Variants in MCC observed in about 807,000 individuals in gnomAD.
MCC encodes the protein MCC regulator of Wnt signaling pathway.
A neutral mutation model predicts 116.2 loss-of-function variants in MCC; 90 were observed. The observed-to-expected ratio is 0.77, with a 90% confidence interval of 0.65 to 0.92. The LOEUF (loss-of-function observed/expected upper bound fraction) is 0.92. Among genes scored for constraint, MCC ranks in the 40% least tolerant of loss-of-function variants. The pLI, the probability that MCC is intolerant of heterozygous loss-of-function variation, is 0.00. For synonymous variants in MCC, 578 were observed against 510.5 expected (o/e 1.13, Z -1.78); for missense variants, 1,516 against 1,312.2 (o/e 1.16, Z -2.40).
chr5:113,084,470 G>A (rs927256230), intron 9 of MCC, among the ~76,000 whole-genome samples: 3 of 152,220 alleles, frequency 2.0e-5, no homozygotes, highest in Admixed American at 2.0e-4. Flanking sequence ...CAAGATGCCA[G>A]TAGCACTCCA....
At chr5:113,056,412 T>C (rs1752835704) in intron 14 of MCC, among the ~76,000 whole-genome samples, 1 of 152,218 alleles carries the variant, frequency 6.6e-6, no homozygotes, top group Non-Finnish European at 1.5e-5. Flanking sequence ...AATGAGGTCA[T>C]GTCATTTGCA....
intron 8 of MCC, among the ~76,000 whole-genome samples, chr5:113,089,474 G>T (rs994742829): frequency 6.6e-6 from 1 of 152,212 alleles, no homozygotes; most frequent in African/African-American, 2.4e-5. Context: ...GGTGAGCCAA[G>T]AGCTCTACTG....
At chr5:113,173,116 G>A (rs1194975212) in intron 3 of MCC, among the ~76,000 whole-genome samples, 1 of 152,056 alleles carries the variant, frequency 6.6e-6, no homozygotes, top group Non-Finnish European at 1.5e-5. Flanking sequence ...AATTTATATA[G>A]CATTTTATCA....
At chr5:113,032,592 G>A (rs13187506) in intron 17 of MCC, among the ~76,000 whole-genome samples, 193 of 152,256 alleles carry the variant, frequency 1.3e-3, no homozygotes, top group Non-Finnish European at 2.4e-3. Context: ...AGTGGACAGT[G>A]CTGCTCTAGA....
intron 3 of MCC, among the ~76,000 whole-genome samples, chr5:113,196,896 G>A (rs76792494): frequency 6.6e-6 from 1 of 152,156 alleles, no homozygotes; most frequent in Non-Finnish European, 1.5e-5. Context: ...TTCTGGCTGA[G>A]TTTGGGCCCT....
chr5:113,336,196 C>G (rs1433867227), intron 3 of MCC, among the ~76,000 whole-genome samples: 3 of 151,590 alleles, frequency 2.0e-5, no homozygotes, highest in Admixed American at 6.6e-5. Flanking sequence ...GCCTAATCAC[C>G]TCTTAATTGT....
intron 1 of MCC, chr5:113,448,373 T>C (rs1404452311): frequency 6.6e-6 from 1 of 152,078 alleles, no homozygotes; most frequent in African/African-American, 2.4e-5. Context: ...CAGACACAAC[T>C]GGCTTCACAT....
chr5:113,329,693 A>G (rs1403278542), intron 3 of MCC, among the ~76,000 whole-genome samples: 1 of 152,172 alleles, frequency 6.6e-6, no homozygotes, highest in Non-Finnish European at 1.5e-5. Flanking sequence ...CAAATAATCT[A>G]CTGGCATACT....
intron 1 of MCC, chr5:113,433,813 C>G: frequency 6.2e-7 from 1 of 1,613,968 alleles, no homozygotes. Flanking sequence ...CTGGGGAAAC[C>G]CAGGATCTCC....
chr5:113,144,638 C>T (rs1304365269), intron 4 of MCC, among the ~76,000 whole-genome samples: 1 of 152,188 alleles, frequency 6.6e-6, no homozygotes, highest in Admixed American at 6.5e-5. Context: ...AACAGAAGTA[C>T]TCAACAAAGA....
intron 1 of MCC, among the ~76,000 whole-genome samples, chr5:113,406,340 T>G (rs1051958722): frequency 3.9e-5 from 6 of 152,200 alleles, no homozygotes; most frequent in Non-Finnish European, 8.8e-5. Flanking sequence ...ATCTCTGATT[T>G]TAATAAAAAA....
rs1491041138 is a variant in MCC, at chr5:113,376,606, CAT to C, written c.415+8360_415+8361del. 1.3e-3 allele frequency among the ~76,000 whole-genome samples: 203 copies of C among 151,418 alleles called. 3 individuals are homozygous for C. The highest frequency in any genetic ancestry group is 3.5e-3 in the African/African-American group (144 of 41,282). ...ACACACACACACACACACACACACA[CAT>C]ATCAGTATTATGTAGCATTATTAAA... On this transcript the variant is annotated intron_variant, in intron 2 of 18. Transcript: ENST00000408903.
chr5:113,246,405 C>G (rs1202447105), intron 3 of MCC, among the ~76,000 whole-genome samples: 1 of 152,164 alleles, frequency 6.6e-6, no homozygotes, highest in African/African-American at 2.4e-5. Flanking sequence ...AAAGCCTACC[C>G]CACAGAAAGA....
intron 14 of MCC, among the ~76,000 whole-genome samples, chr5:113,054,678 C>T (rs183401257): frequency 1.3e-3 from 191 of 152,350 alleles, no homozygotes; most frequent in Middle Eastern, 3.4e-3. Flanking sequence ...ACCCCCTGGC[C>T]TTCACAGGAT....
intron 4 of MCC, among the ~76,000 whole-genome samples, chr5:113,145,724 T>C (rs1446317103): frequency 2.0e-5 from 3 of 148,640 alleles, no homozygotes; most frequent in Non-Finnish European, 4.4e-5. Flanking sequence ...TTTGTTTCTC[T>C]AATAAACTTG....
intron 3 of MCC, among the ~76,000 whole-genome samples, chr5:113,319,608 A>C (rs924664755): frequency 2.0e-5 from 3 of 152,166 alleles, no homozygotes; most frequent in Non-Finnish European, 4.4e-5. Context: ...CCAAAATTCA[A>C]CTTGAAGGAA....
chr5:113,305,872 A>C (rs558058910), intron 3 of MCC, among the ~76,000 whole-genome samples: 1 of 152,188 alleles, frequency 6.6e-6, no homozygotes, highest in Non-Finnish European at 1.5e-5. Context: ...GAACATTTTC[A>C]TCACCCCCAA....
intron 3 of MCC, among the ~76,000 whole-genome samples, chr5:113,231,932 T>C (rs1293373164): frequency 6.6e-6 from 1 of 152,154 alleles, no homozygotes; most frequent in African/African-American, 2.4e-5. Context: ...GTTTTTACTA[T>C]ATATCTGACA....
chr5:113,146,582 C>A (rs1397069702), intron 4 of MCC, among the ~76,000 whole-genome samples: 1 of 152,002 alleles, frequency 6.6e-6, no homozygotes, highest in Non-Finnish European at 1.5e-5. Context: ...AAAAGAGACA[C>A]AAGGGGGTGT....
Sources: allele counts gnomAD v4.1 joint callset (sites outside exome capture counted in the v4.1 genomes callset), GRCh38; gene constraint gnomAD v4.1.1; transcripts MANE v1.5; gene names NCBI Gene and HGNC (gene_info 2026-07-23, HGNC 2026-07-21).